Variants in CCT6B observed in about 807,000 individuals in gnomAD.
The protein encoded by CCT6B is chaperonin containing TCP1 subunit 6B.
Under a neutral mutation model 61.5 loss-of-function variants are expected in CCT6B, and 49 were observed. The ratio of observed to expected loss-of-function variants is 0.80; its 90% CI spans 0.63 to 1.01. CCT6B has a LOEUF of 1.01. Among genes scored for constraint, CCT6B ranks in the 50% least tolerant of loss-of-function variants. The pLI is 0.00. For synonymous variants in CCT6B, 228 were observed against 214.5 expected (o/e 1.06, Z -0.55); for missense variants, 666 against 634.7 (o/e 1.05, Z -0.53).
At chr17:34,956,627 C>T (rs1283853747) in intron 3 of CCT6B, among the ~76,000 whole-genome samples, 1 of 152,164 alleles carries the variant, frequency 6.6e-6, no homozygotes, top group African/African-American at 2.4e-5. Flanking sequence ...GGAGTGGATC[C>T]TGATTAGTCT....
At chr17:34,940,899 C>A (rs1182016762) in intron 7 of CCT6B, among the ~76,000 whole-genome samples, 8 of 151,972 alleles carry the variant, frequency 5.3e-5, no homozygotes, top group Non-Finnish European at 1.2e-4. Context: ...ATATAGTGAG[C>A]TAGCAGTGGC....
At chr17:34,943,748 A>C (rs1333588476) in intron 5 of CCT6B, 6 of 151,730 alleles carry the variant, frequency 4.0e-5, no homozygotes, top group Non-Finnish European at 5.9e-5. Context: ...CATGTACTCT[A>C]AAACTTAAAG....
intron 5 of CCT6B, among the ~76,000 whole-genome samples, chr17:34,947,370 A>G (rs1006185341): frequency 3.3e-5 from 5 of 152,210 alleles, no homozygotes; most frequent in Non-Finnish European, 7.3e-5. Flanking sequence ...AAAAGTATAC[A>G]ACACCAAAGA....
At chr17:34,940,891 A>C (rs186175014) in intron 7 of CCT6B, among the ~76,000 whole-genome samples, 239 of 152,264 alleles carry the variant, frequency 1.6e-3, no homozygotes, top group African/African-American at 5.4e-3. Flanking sequence ...AAAAATATAT[A>C]TAGTGAGCTA....
intron 3 of CCT6B, among the ~76,000 whole-genome samples, chr17:34,956,385 C>A (rs2090347791): frequency 6.6e-6 from 1 of 152,178 alleles, no homozygotes; most frequent in South Asian, 2.1e-4. Context: ...GCCTTACTTC[C>A]TCCAGAGAGT....
At position 34,939,659 on chromosome 17, in the gene CCT6B, T is replaced by G. The variant is rs1182266852; in HGVS notation, c.1023A>C (p.Val341=). Residue 341 remains valine (V), a synonymous_variant, in exon 9 of 14, where the codon GTA becomes GTC. Transcript: ENST00000314144. ...MAVNSFEDLT[V]DCLGHAGLVY... The stretch of plus-strand genomic sequence containing the variant: ...CAAGACCAGCATGTCCCAAGCAATC[T>G]ACAGTGAGATCTTCAAAAGAATTCA... The G allele has an allele frequency of 6.2e-7, 1 of 1,613,430 alleles. No homozygotes were observed. Among genetic ancestry groups the G allele is most frequent in the East Asian group, 2.2e-5 (1 of 44,824 alleles).
Position 34,952,507 on chromosome 17 carries a change from G to C in CCT6B, c.511-454C>G, listed in dbSNP as rs1460547133. ...CTCCAATTTGCTGGCTGTAATAACA[G>C]GAAACGTTAAAGTCTCATGTTTTAT... On this transcript the variant is annotated intron_variant, in intron 4 of 13. Coordinates refer to ENST00000314144, the MANE Select transcript of CCT6B (RefSeq NM_006584.4). 2.0e-5 allele frequency among the ~76,000 whole-genome samples: 3 copies of C among 152,162 alleles called. No homozygotes were observed. In the East Asian group the frequency reaches 5.8e-4, roughly 29 times the overall value.
At chr17:34,947,343 C>A (rs2090235438) in intron 5 of CCT6B, among the ~76,000 whole-genome samples, 1 of 152,030 alleles carries the variant, frequency 6.6e-6, no homozygotes, top group Non-Finnish European at 1.5e-5. Flanking sequence ...GAAATCCATA[C>A]CTAGCTACAT....
At chr17:34,930,484 G>A (rs1295713945) in intron 12 of CCT6B, among the ~76,000 whole-genome samples, 1 of 151,862 alleles carries the variant, frequency 6.6e-6, no homozygotes, top group African/African-American at 2.4e-5. Context: ...TTGCCTACAT[G>A]GCTAATTTCC....
chr17:34,928,133 A>G lies in CCT6B; in HGVS notation c.1524-16T>C, dbSNP rs1017238165. On this transcript the variant is annotated splice_polypyrimidine_tract_variant and intron_variant, in intron 13 of 13. Transcript: ENST00000314144. ...AATCACTGTGCTAAGGAAAAAGATG[A>G]GAGGGTGAGTAAAGCCTACTAACCC... is the stretch of plus-strand genomic sequence containing the variant. The G allele has an allele frequency of 1.3e-6, 2 of 1,589,518 alleles. No individual in the cohort carries two copies. The highest frequency in any genetic ancestry group is 1.3e-5 in the African/African-American group (1 of 74,160).
In CCT6B at chr17:34,954,420, A is replaced by G. The variant is rs746132191; in HGVS notation, c.510+6T>C. 3 of 1,593,986 alleles carry G rather than the reference A, an allele frequency of 1.9e-6. No homozygotes were observed. In the African/African-American group the frequency reaches 4.1e-5, roughly 22 times the overall value. On this transcript the variant is annotated splice_donor_region_variant and intron_variant, in intron 4 of 13. Coordinates refer to ENST00000314144, the MANE Select transcript of CCT6B (RefSeq NM_006584.4). Reference sequence around the variant, plus strand: ...TTGTTCTGAATGCAAAAGTTTAATAACATACCTCTGTTAAGACATCAGCCA... The same window carrying G: ...TTGTTCTGAATGCAAAAGTTTAATAGCATACCTCTGTTAAGACATCAGCCA...
At chr17:34,959,920 T>C (rs2090393003) in intron 1 of CCT6B, among the ~76,000 whole-genome samples, 1 of 152,228 alleles carries the variant, frequency 6.6e-6, no homozygotes. Flanking sequence ...CAAAGAATAC[T>C]TGGAAGTCTA....
chr17:34,942,921 A>C lies in CCT6B; in HGVS notation c.615-15T>G, dbSNP rs2090182875. 1 of 1,425,848 alleles carries C rather than the reference A, an allele frequency of 7.0e-7. No individual in the cohort carries two copies. Among genetic ancestry groups the C allele is most frequent in the African/African-American group, 1.4e-5 (1 of 69,612 alleles). 88.3% of individuals were successfully genotyped at this position (1,425,848 alleles called of 1,614,324 possible). ...CTTGGATCAACCTATTAAAAATATT[A>C]ATGTTTCTTACTTTGAATATATACT... On this transcript the variant is annotated splice_polypyrimidine_tract_variant and intron_variant, in intron 5 of 13. Transcript: ENST00000314144.
rs895807853 is a variant in CCT6B, at chr17:34,939,106, T to C, written c.1213+77A>G. 1.0e-4 allele frequency: 115 copies of C among 1,153,556 alleles called. No individual in the cohort carries two copies. The East Asian group carries it at 2.6e-3, about 27-fold the overall frequency. 71.5% of individuals were successfully genotyped at this position (1,153,556 alleles called of 1,614,324 possible). A position where few individuals can be genotyped will look rare whatever the true frequency, so the allele number is the denominator to read the frequency against. ...CTAAAAATATACATATATACATACA[T>C]AGGTGTGTGTGTATATATATATACA... On this transcript the variant is annotated intron_variant, in intron 10 of 13. Coordinates refer to ENST00000314144, the MANE Select transcript of CCT6B (RefSeq NM_006584.4).
At chr17:34,960,383 T>C (rs746923927) in intron 1 of CCT6B, among the ~76,000 whole-genome samples, 11 of 152,248 alleles carry the variant, frequency 7.2e-5, no homozygotes, top group East Asian at 1.9e-4. Context: ...ATTTGCACCA[T>C]TGGTCTTTCT....
At chr17:34,940,179 C>T (rs1012714398) in intron 8 of CCT6B, among the ~76,000 whole-genome samples, 2 of 152,130 alleles carry the variant, frequency 1.3e-5, no homozygotes, top group South Asian at 4.2e-4. Context: ...AGTGCCCCTC[C>T]CCTCCCACTG....
chr17:34,940,303 A>G (rs2090147735), intron 8 of CCT6B, among the ~76,000 whole-genome samples: 1 of 152,170 alleles, frequency 6.6e-6, no homozygotes, highest in African/African-American at 2.4e-5. Context: ...TTTGTTTTTA[A>G]AATCTGTTTT....
At chr17:34,952,106 C>G (rs55856327) in intron 4 of CCT6B, 53 bp from the exon 5 acceptor site, 1 of 1,104,860 alleles carries the variant, frequency 9.1e-7, no homozygotes, top group African/African-American at 1.6e-5. Flanking sequence ...CTAAAATAAA[C>G]CAAGGGCCCA....
intron 10 of CCT6B, 130 bp from the exon 11 acceptor site, chr17:34,932,630 G>C: frequency 1.4e-6 from 1 of 718,044 alleles, no homozygotes. Flanking sequence ...GCACAGCTTA[G>C]TAATTACTCA....
Sources: allele counts gnomAD v4.1 joint callset (sites outside exome capture counted in the v4.1 genomes callset), GRCh38; gene constraint gnomAD v4.1.1; transcripts MANE v1.5; gene names NCBI Gene and HGNC (gene_info 2026-07-23, HGNC 2026-07-21).